Variants in BMP2K observed in about 807,000 individuals in gnomAD.
BMP2K encodes BMP2 inducible kinase, also known as BMP-2-inducible protein kinase.
BMP2K carries 74 observed loss-of-function variants against 116.0 expected under a neutral mutation model. The ratio of observed to expected loss-of-function variants is 0.64; its 90% confidence interval spans 0.53 to 0.77. The LOEUF is 0.77. Among genes scored for constraint, BMP2K ranks in the 30% least tolerant of loss-of-function variants. The probability of loss-of-function intolerance (pLI) is 0.00; values close to 1 mark genes in which losing one functional copy is unlikely to be tolerated. For synonymous variants in BMP2K, 486 were observed against 502.5 expected (o/e 0.97, Z 0.44); for missense variants, 1,365 against 1,403.6 (o/e 0.97, Z 0.44).
Position 78,911,796 on chromosome 4 carries a change from T to G in BMP2K, c.3249T>G (p.Pro1083=). Residue 1083 remains proline, a synonymous_variant, in exon 16 of 16, where the codon CCT becomes CCG. Transcript: ENST00000502613. ...ATTCTCCAGACCTGTCATGGCACCC[T>G]CCACATCAGGGCCTGAGCGACATCC... ...PFHSPDLSWH[P]PHQGLSDIRA... 1 of 1,613,902 alleles carries G rather than the reference T, an allele frequency of 6.2e-7. No individual in the cohort carries two copies. The highest frequency in any genetic ancestry group is 8.5e-7 in the Non-Finnish European group (1 of 1,179,868).
chr4:78,871,028 C>T lies in BMP2K; in HGVS notation c.1477C>T (p.His493Tyr), dbSNP rs1732330198. The T allele has an allele frequency of 6.2e-7, 1 of 1,606,698 alleles. No individual in the cohort carries two copies. Among genetic ancestry groups the T allele is most frequent in the Non-Finnish European group, 8.5e-7 (1 of 1,179,700 alleles). ...QQQQHHHHHH[H>Y]HLLQDAYMQQ... ...GCAGCAGCACCACCACCACCACCACCACCACCTACTTCAAGATGCTTATAT... is the reference window on the plus strand; with the variant it reads ...GCAGCAGCACCACCACCACCACCACTACCACCTACTTCAAGATGCTTATAT... Residue 493 changes from histidine to tyrosine, a missense_variant, in exon 11 of 16, where the codon CAC becomes TAC. Transcript: ENST00000502613.
chr4:78,867,045 C>G (rs963043708), intron 10 of BMP2K, among the ~76,000 whole-genome samples: 1 of 151,920 alleles, frequency 6.6e-6, no homozygotes, highest in Non-Finnish European at 1.5e-5. Context: ...GTGGTACACA[C>G]CTGTAGTCCC....
At chr4:78,794,395 G>T (rs1315287256) in intron 1 of BMP2K, among the ~76,000 whole-genome samples, 2 of 152,084 alleles carry the variant, frequency 1.3e-5, no homozygotes, top group African/African-American at 4.8e-5. Context: ...GACTGTTTCT[G>T]TGGGAAAATA....
intron 1 of BMP2K, among the ~76,000 whole-genome samples, chr4:78,795,109 C>G (rs1728189014): frequency 6.6e-6 from 1 of 152,162 alleles, no homozygotes; most frequent in South Asian, 2.1e-4. Context: ...GAAGGTATTC[C>G]AAACATAATT....
Position 78,826,035 on chromosome 4 carries a change from A to G in BMP2K, c.179-2A>G. 1.2e-6 allele frequency: 2 copies of G among 1,602,908 alleles called. No homozygotes were observed. Among genetic ancestry groups the G allele is most frequent in the Non-Finnish European group, 1.7e-6 (2 of 1,172,860 alleles). On this transcript the variant is annotated splice_acceptor_variant, in intron 1 of 15. Coordinates refer to ENST00000502613, the MANE Select transcript of BMP2K (RefSeq NM_198892.2). LOFTEE classifies it high-confidence loss of function. ...AAATTAATTGGTGCTTTGTTTTTCT[A>G]GGTGGATTCTCCACAGTTTTCCTCG...
intron 13 of BMP2K, among the ~76,000 whole-genome samples, chr4:78,873,968 A>G (rs997441560): frequency 2.0e-5 from 3 of 152,120 alleles, no homozygotes; most frequent in African/African-American, 4.8e-5. Flanking sequence ...TCACGAGGTC[A>G]GGAGATCAAG....
chr4:78,845,949 A>C (rs1398776622), intron 5 of BMP2K, among the ~76,000 whole-genome samples: 1 of 151,708 alleles, frequency 6.6e-6, no homozygotes, highest in Non-Finnish European at 1.5e-5. Flanking sequence ...ATTTAATAAA[A>C]ACAAACATGT....
At chr4:78,820,594 G>A (rs1037300025) in intron 1 of BMP2K, among the ~76,000 whole-genome samples, 1 of 151,578 alleles carries the variant, frequency 6.6e-6, no homozygotes, top group East Asian at 1.9e-4. Flanking sequence ...TTTCTGAGAC[G>A]GAGTTTTGCT....
chr4:78,859,800 T>A (rs1731682809), intron 8 of BMP2K, 113 bp downstream of exon 8: 1 of 702,340 alleles, frequency 1.4e-6, no homozygotes, highest in African/African-American at 1.8e-5. Context: ...TCAGAGTTTC[T>A]TGTTTCATGA....
At chr4:78,839,465 TG>T (rs1288698482) in intron 3 of BMP2K, among the ~76,000 whole-genome samples, 3 of 152,182 alleles carry the variant, frequency 2.0e-5, no homozygotes, top group Non-Finnish European at 4.4e-5. Context: ...CCTCATTTAT[TG>T]GGACAGACTG....
chr4:78,860,932 G>A (rs1731747460), intron 8 of BMP2K, among the ~76,000 whole-genome samples: 1 of 151,690 alleles, frequency 6.6e-6, no homozygotes, highest in Admixed American at 6.6e-5. Flanking sequence ...TAAACATTGG[G>A]TATAGACAAA....
At chr4:78,797,677 A>G (rs1728363711) in intron 1 of BMP2K, among the ~76,000 whole-genome samples, 1 of 152,126 alleles carries the variant, frequency 6.6e-6, no homozygotes, top group African/African-American at 2.4e-5. Context: ...TTCTCTCAGT[A>G]AAGTTATTCT....
intron 15 of BMP2K, chr4:78,898,766 A>G (rs1410097742): frequency 6.6e-6 from 1 of 152,052 alleles, no homozygotes; most frequent in African/African-American, 2.4e-5. Context: ...CACTTGGACA[A>G]TGTGAATTGG....
intron 14 of BMP2K, among the ~76,000 whole-genome samples, chr4:78,885,623 T>C (rs553160939): frequency 6.6e-6 from 1 of 152,332 alleles, no homozygotes; most frequent in African/African-American, 2.4e-5. Flanking sequence ...TAGAACTCAG[T>C]TGAAACCAGT....
intron 1 of BMP2K, among the ~76,000 whole-genome samples, chr4:78,812,886 A>T (rs1729156067): frequency 6.6e-6 from 1 of 151,962 alleles, no homozygotes; most frequent in Non-Finnish European, 1.5e-5. Context: ...CTACCAAAAA[A>T]TTAAAAAACT....
At position 78,844,916 on chromosome 4, in the gene BMP2K, T is replaced by G; in HGVS notation, c.547-12T>G. 6.3e-7 allele frequency: 1 copy of G among 1,585,922 alleles called. No homozygotes were observed. Among genetic ancestry groups the G allele is most frequent in the Non-Finnish European group, 8.6e-7 (1 of 1,158,650 alleles). ...TGAAAATACTACTCATTATTGATTT[T>G]CTTTTCTTAAGGTAGAAAATATTTT... On this transcript the variant is annotated splice_polypyrimidine_tract_variant and intron_variant, in intron 4 of 15. Transcript: ENST00000502613.
At chr4:78,909,977 G>A (rs1223984714) in intron 15 of BMP2K, among the ~76,000 whole-genome samples, 1 of 152,250 alleles carries the variant, frequency 6.6e-6, no homozygotes, top group Non-Finnish European at 1.5e-5. Context: ...CTTTTTTAAT[G>A]TAATGTATAG....
At chr4:78,824,959 T>TA (rs1374570115) in intron 1 of BMP2K, among the ~76,000 whole-genome samples, 43 of 152,130 alleles carry the variant, frequency 2.8e-4, no homozygotes, top group Admixed American at 2.8e-3. Flanking sequence ...CCCAGCACTT[T>TA]GGGGGGACAA....
chr4:78,813,308 G>A lies in BMP2K; in HGVS notation c.179-12729G>A, dbSNP rs141974052. On this transcript the variant is annotated intron_variant, in intron 1 of 15. Transcript: ENST00000502613. ...TCAAAACCACTATTAAATTGCAGCA[G>A]ATTTACTGATTTCCCTGCTTCTGAT... Among the ~76,000 whole-genome samples the A allele has an allele frequency of 4.1e-4, 62 of 152,252 alleles. No homozygotes were observed. In the East Asian group the frequency reaches 0.011, roughly 26 times the overall value.
Sources: gnomAD v4.1 joint callset for allele counts (sites outside exome capture counted in the v4.1 genomes callset) on GRCh38, gnomAD v4.1.1 for gene constraint, MANE v1.5 for transcripts, NCBI Gene and HGNC (gene_info 2026-07-23, HGNC 2026-07-21) for gene names.